Variants in XKR7 observed in about 807,000 individuals in gnomAD.
XKR7 encodes XK-related protein 7.
A neutral mutation model predicts 42.2 loss-of-function variants in XKR7; 11 were observed. The ratio of observed to expected loss-of-function variants is 0.26; its 90% CI spans 0.16 to 0.43. The LOEUF (loss-of-function observed/expected upper bound fraction) is 0.43. Ranked by LOEUF, XKR7 falls within the 20% of genes least tolerant of loss-of-function variation. The pLI, the probability that XKR7 is intolerant of heterozygous loss-of-function variation, is 1.00. For synonymous variants in XKR7, 346 were observed against 366.4 expected, an observed-to-expected ratio of 0.94 and a Z score of 0.64; for missense variants, 710 against 802.2, an observed-to-expected ratio of 0.89 and a Z score of 1.39.
chr20:31,972,777 G>A (rs953080866), intron 1 of XKR7, among the ~76,000 whole-genome samples: 8 of 152,158 alleles, frequency 5.3e-5, no homozygotes, highest in Admixed American at 4.6e-4. Context: ...TCCCTCTAAT[G>A]CCCTCTCTAT....
intron 1 of XKR7, among the ~76,000 whole-genome samples, chr20:31,976,088 T>A (rs899487778): frequency 1.3e-5 from 2 of 152,240 alleles, no homozygotes; most frequent in African/African-American, 4.8e-5. Context: ...TTGTGAAGGC[T>A]GATTCAATTA....
In XKR7 at chr20:31,968,368, C is replaced by A; in HGVS notation, c.193C>A (p.Leu65Ile). The part of the protein sequence containing the change: ...RDCCWVLCAL[L>I]VFFSDGATDL... Reference sequence around the variant, plus strand: ...CTGCTGCTGGGTGCTGTGCGCGCTGCTCGTGTTCTTCTCCGACGGTGCCAC... The same window carrying A: ...CTGCTGCTGGGTGCTGTGCGCGCTGATCGTGTTCTTCTCCGACGGTGCCAC... The change falls in exon 1 of 3, where the codon CTC becomes ATC. Residue 65 changes from leucine to isoleucine, a missense_variant. Coordinates refer to ENST00000562532, the MANE Select transcript of XKR7 (RefSeq NM_001011718.2). This position sits in a 1 kb window ranked among gnomAD's most constrained non-coding sequence, Gnocchi z 4.5. 6.2e-7 allele frequency: 1 copy of A among 1,611,610 alleles called. No homozygotes were observed. Among genetic ancestry groups the A allele is most frequent in the Non-Finnish European group, 8.5e-7 (1 of 1,179,514 alleles).
intron 1 of XKR7, among the ~76,000 whole-genome samples, chr20:31,969,980 C>T (rs1461993490): frequency 6.6e-6 from 1 of 152,208 alleles, no homozygotes; most frequent in African/African-American, 2.4e-5. Flanking sequence ...CCCAGCTGCT[C>T]ACTTGCTGTG....
At chr20:31,985,959 C>CACAGACAGACAGACAG (rs57585644) in intron 1 of XKR7, among the ~76,000 whole-genome samples, 5 of 74,454 alleles carry the variant, frequency 6.7e-5, no homozygotes, top group African/African-American at 3.6e-4. Context: ...AGCATCCAGA[C>CACAGACAGACAGACAG]ACAGACAGAC....
rs1347226843 is a variant in XKR7 at position 31,995,139 on chromosome 20, G to C, written c.656G>C (p.Trp219Ser). The change falls in exon 2 of 3, where the codon TGG becomes TCG. Residue 219 changes from tryptophan to serine, a missense_variant. Around this residue, in one of 2 missense-constraint regions of XKR7, gnomAD observed 708 missense variants for 786.2 expected, o/e 0.90. Coordinates refer to ENST00000562532, the MANE Select transcript of XKR7 (RefSeq NM_001011718.2). This position sits in a 1 kb window ranked among gnomAD's most constrained non-coding sequence, Gnocchi z 4.1. ...GAGCGGCTGCGGCGCCACTTCTACT[G>C]GCAGATGCTGTTCGAGAGCGCCGAC... is the stretch of plus-strand genomic sequence containing the variant. Reference protein sequence around the residue: ...RGERLRRHFYWQMLFESADVS... With the variant: ...RGERLRRHFYSQMLFESADVS... 6.4e-7 allele frequency: 1 copy of C among 1,559,710 alleles called. No homozygotes were observed. Among genetic ancestry groups the C allele is most frequent in the Non-Finnish European group, 8.7e-7 (1 of 1,152,286 alleles).
chr20:31,986,813 C>T (rs1447602681), intron 1 of XKR7, among the ~76,000 whole-genome samples: 1 of 145,778 alleles, frequency 6.9e-6, no homozygotes, highest in East Asian at 2.0e-4. Context: ...GAGAGACAAC[C>T]AAGCAGACCC....
chr20:31,978,653 G>A (rs2064496720), intron 1 of XKR7, among the ~76,000 whole-genome samples: 1 of 152,122 alleles, frequency 6.6e-6, no homozygotes, highest in African/African-American at 2.4e-5. Context: ...TATGACTGAG[G>A]AACTAAATTT....
intron 1 of XKR7, among the ~76,000 whole-genome samples, chr20:31,977,543 G>A (rs1432389302): frequency 6.6e-6 from 1 of 152,154 alleles, no homozygotes; most frequent in Non-Finnish European, 1.5e-5. Context: ...TTGAGATAAT[G>A]TAAATGCACA....
intron 1 of XKR7, among the ~76,000 whole-genome samples, chr20:31,976,633 C>T (rs540228129): frequency 4.9e-4 from 75 of 152,300 alleles, no homozygotes; most frequent in Non-Finnish European, 9.0e-4. Flanking sequence ...GATCCACCTG[C>T]CTCGGCCTCC....
chr20:31,990,087 G>A (rs866050605), intron 1 of XKR7, among the ~76,000 whole-genome samples: 6 of 152,160 alleles, frequency 3.9e-5, no homozygotes, highest in Non-Finnish European at 8.8e-5. Context: ...AGGTTGCCTG[G>A]TGGTGAGGAG....
At chr20:31,971,023 A>G (rs1305215291) in intron 1 of XKR7, among the ~76,000 whole-genome samples, 1 of 152,230 alleles carries the variant, frequency 6.6e-6, no homozygotes, top group Non-Finnish European at 1.5e-5. Flanking sequence ...CCTGAGTTCA[A>G]TTTATCCACC....
Position 31,997,458 on chromosome 20 carries a change from G to A in XKR7, c.*1G>A. ...GCTGGAGTATGAGACCACAGTGTAGGCTACAGTGTCCCAGCACAAAAGGGA... is the reference window on the plus strand; with the variant it reads ...GCTGGAGTATGAGACCACAGTGTAGACTACAGTGTCCCAGCACAAAAGGGA... On this transcript the variant is annotated 3_prime_UTR_variant, in exon 3 of 3. Transcript: ENST00000562532. 1 of 1,587,532 alleles carries A rather than the reference G, an allele frequency of 6.3e-7. No homozygotes were observed. The highest frequency in any genetic ancestry group is 8.5e-7 in the Non-Finnish European group (1 of 1,172,676).
In XKR7 at chr20:31,995,063, C is replaced by G; in HGVS notation, c.585-5C>G. 6.5e-7 allele frequency: 1 copy of G among 1,543,108 alleles called. No individual in the cohort carries two copies. Among genetic ancestry groups the G allele is most frequent in the African/African-American group, 1.4e-5 (1 of 72,626 alleles). On this transcript the variant is annotated splice_polypyrimidine_tract_variant and splice_region_variant and intron_variant, in intron 1 of 2. Coordinates refer to ENST00000562532, the MANE Select transcript of XKR7 (RefSeq NM_001011718.2). This position sits in a 1 kb window ranked among gnomAD's most constrained non-coding sequence, Gnocchi z 4.1. ...GGGAGCCTGAGCACCGCGTCCTTCC[C>G]GCAGGTACCTGCGCGCCCTGTACCT... is the stretch of plus-strand genomic sequence containing the variant.
intron 1 of XKR7, among the ~76,000 whole-genome samples, chr20:31,985,288 A>T (rs778738519): frequency 6.6e-6 from 1 of 151,666 alleles, no homozygotes; most frequent in Non-Finnish European, 1.5e-5. Context: ...GCAGCGGGGG[A>T]GCCACTGGAA....
At chr20:31,993,441 G>A (rs2064578369) in intron 1 of XKR7, among the ~76,000 whole-genome samples, 1 of 152,100 alleles carries the variant, frequency 6.6e-6, no homozygotes, top group African/African-American at 2.4e-5. Flanking sequence ...GATTAACTAG[G>A]GCTCAGAGAG....
In XKR7 at chr20:32,003,320, C is replaced by T. The variant is rs1600666430; in HGVS notation, c.*5863C>T. 1.3e-5 allele frequency: 2 copies of T among 152,200 alleles called. No homozygotes were observed. Among genetic ancestry groups the T allele is most frequent in the African/African-American group, 4.8e-5 (2 of 41,434 alleles). 9.4% of individuals were successfully genotyped at this position (152,200 alleles called of 1,614,324 possible). ...CTCTTTACTGAGACTCTTTTGTACA[C>T]CACAAACTTTTTGTATATTTTTAAT... On this transcript the variant is annotated 3_prime_UTR_variant, in exon 3 of 3. Transcript: ENST00000562532.
intron 1 of XKR7, among the ~76,000 whole-genome samples, chr20:31,991,918 G>C (rs2064571974): frequency 6.6e-6 from 1 of 152,170 alleles, no homozygotes; most frequent in South Asian, 2.1e-4. Flanking sequence ...AGGAGTTTGA[G>C]ACAAGCCTGA....
Position 31,968,273 on chromosome 20 carries a change from C to T in XKR7, c.98C>T (p.Ala33Val). The T allele has an allele frequency of 2.6e-6, 3 of 1,148,358 alleles. No homozygotes were observed. Among genetic ancestry groups the T allele is most frequent in the East Asian group, 4.2e-5 (1 of 23,964 alleles). The allele number at this position is 1,148,358 out of a possible 1,614,324, so 71.1% of individuals were successfully genotyped here. A position where few individuals can be genotyped will look rare whatever the true frequency, so the allele number is the denominator to read the frequency against. ...GGCAGTGCCGGCGGGCGCGGGGAGG[C>T]GGCGGCGGCGGCCGGGCCCCCGGGG... ...ARGSAGGRGE[A>V]AAAAGPPGVV... is the part of the protein sequence containing the mutation. Residue 33 changes from alanine (A) to valine (V), a missense_variant, in exon 1 of 3, where the codon GCG (alanine) becomes GTG (valine). Ala to Val is a moderately conservative substitution (Grantham distance 64). Coordinates refer to ENST00000562532, the MANE Select transcript of XKR7 (RefSeq NM_001011718.2). The surrounding 1 kb of genome is among the most constrained non-coding windows in gnomAD (Gnocchi z 4.5).
chr20:31,989,340 G>GAA (rs1427248313), intron 1 of XKR7, among the ~76,000 whole-genome samples: 2 of 152,060 alleles, frequency 1.3e-5, no homozygotes, highest in Non-Finnish European at 2.9e-5. Context: ...TGAGGTGAGA[G>GAA]AAACAGGCAG....
Sources: gnomAD v4.1 joint callset for allele counts (sites outside exome capture counted in the v4.1 genomes callset) on GRCh38, gnomAD v4.1.1 for gene constraint, gnomAD v4.1.1 regional missense constraint, Gnocchi (gnomAD v3.1) non-coding constraint, MANE v1.5 for transcripts, NCBI Gene and HGNC (gene_info 2026-07-23, HGNC 2026-07-21) for gene names.